The following EVC variants were observed in gnomAD, a reference collection of about 807,000 sequenced individuals.
EVC encodes EvC ciliary complex subunit 1.
EVC carries 116 observed loss-of-function variants against 118.9 expected under a neutral mutation model. The ratio of observed to expected loss-of-function variants is 0.98; its 90% CI spans 0.84 to 1.14. EVC has a LOEUF of 1.14. Ranked by LOEUF, EVC falls within the 50% of genes most tolerant of loss-of-function variation. The pLI is 0.00. For synonymous variants in EVC, 619 were observed against 534.7 expected (o/e 1.16, Z -2.18); for missense variants, 1,401 against 1,246.4 (o/e 1.12, Z -1.87).
At chr4:5,816,102 T>C (rs996004989), downstream of EVC, among the ~76,000 whole-genome samples, 38 of 152,170 alleles carry the variant, frequency 2.5e-4, no homozygotes, top group African/African-American at 8.0e-4. Context: ...TCCCAGAGAT[T>C]CTGAGTCAGC....
Position 5,733,331 on chromosome 4 carries a change from C to A in EVC, c.618-20C>A, listed in dbSNP as rs1213094481. 6.2e-7 allele frequency: 1 copy of A among 1,606,400 alleles called. No homozygotes were observed. On this transcript the variant is annotated intron_variant, in intron 4 of 20. Transcript: ENST00000264956. ...TCCGATACCCTGAAAGTCTTTTCCG[C>A]TTCTCATTTTATTTTGCAGTGTAGA...
rs1334005429 is a variant in EVC, at chr4:5,733,313, C to A, written c.618-38C>A. Reference sequence around the variant, plus strand: ...ATATTCTTACTCTTCATTTCCGATACCCTGAAAGTCTTTTCCGCTTCTCAT... The same window carrying A: ...ATATTCTTACTCTTCATTTCCGATAACCTGAAAGTCTTTTCCGCTTCTCAT... On this transcript the variant is annotated intron_variant, in intron 4 of 20. Coordinates refer to ENST00000264956, the MANE Select transcript of EVC (RefSeq NM_153717.3). 1.0e-5 allele frequency: 16 copies of A among 1,549,816 alleles called. No homozygotes were observed. The African/African-American group carries it at 1.4e-4, about 13-fold the overall frequency.
At chr4:5,797,001 C>T (rs1334301273) in intron 13 of EVC, 21 bp from the exon 14 acceptor site, 1 of 1,582,518 alleles carries the variant, frequency 6.3e-7, no homozygotes, top group South Asian at 1.1e-5. Flanking sequence ...TGACCCCACC[C>T]CTCACCTGCT....
chr4:5,724,797 C>T (rs778152460), intron 2 of EVC, among the ~76,000 whole-genome samples: 1 of 151,808 alleles, frequency 6.6e-6, no homozygotes, highest in African/African-American at 2.4e-5. Flanking sequence ...CATAGGTAAA[C>T]GTGTGCCATG....
intron 2 of EVC, among the ~76,000 whole-genome samples, chr4:5,725,093 A>G (rs1040580058): frequency 6.6e-6 from 1 of 152,130 alleles, no homozygotes; most frequent in Non-Finnish European, 1.5e-5. Context: ...TCCGTAGTGT[A>G]TATGTACCAC....
At position 5,711,451 on chromosome 4, in the gene EVC, C is replaced by A. The variant is rs966782465; in HGVS notation, c.71C>A (p.Ala24Glu). 54 of 1,029,646 alleles carry A rather than the reference C, an allele frequency of 5.2e-5. No individual in the cohort carries two copies. The African/African-American group carries it at 8.8e-4, about 17-fold the overall frequency. The allele number at this position is 1,029,646 out of a possible 1,614,324, so 63.8% of individuals were successfully genotyped here. ...LLLGRDALRP[A>E]PALLAPAVLL... is the part of the protein sequence containing the mutation. ...CTGGGGCGGGACGCGCTGCGGCCGG[C>A]GCCCGCCCTGCTGGCCCCCGCCGTG... The change falls in exon 1 of 21, where the codon GCG becomes GAG. Residue 24 changes from alanine (A) to glutamate (E), a missense_variant. Ala to Glu is a moderately radical substitution (Grantham distance 107, BLOSUM62 -1). Coordinates refer to ENST00000264956, the MANE Select transcript of EVC (RefSeq NM_153717.3).
chr4:5,725,085 C>T lies in EVC; in HGVS notation c.301-4222C>T, dbSNP rs551877738. On this transcript the variant is annotated intron_variant, in intron 2 of 20. Coordinates refer to ENST00000264956, the MANE Select transcript of EVC (RefSeq NM_153717.3). ...TCCTTTTTATGGCTGCATAGCATTC[C>T]GTAGTGTATATGTACCACATTTTCT... is the stretch of plus-strand genomic sequence containing the variant. Among the ~76,000 whole-genome samples, 44 of 152,250 alleles carry T rather than the reference C, an allele frequency of 2.9e-4. 2 individuals are homozygous for T. Among genetic ancestry groups the T allele is most frequent in the Admixed American group, 9.8e-4 (15 of 15,292 alleles).
At chr4:5,825,850 C>T in the EVC span, 1 of 595,336 alleles carries the variant, frequency 1.7e-6, no homozygotes, top group Non-Finnish European at 2.9e-6. This position sits in a 1 kb window ranked among gnomAD's most constrained non-coding sequence, Gnocchi z 4.4. Flanking sequence ...CATTCATACA[C>T]ACAAGCATGC....
Position 5,738,394 on chromosome 4 carries a change from A to C in EVC, c.703-3322A>C, listed in dbSNP as rs1392362561. On this transcript the variant is annotated intron_variant, in intron 5 of 20. Transcript: ENST00000264956. The surrounding 1 kb of genome is among the most constrained non-coding windows in gnomAD (Gnocchi z 6.5). ...TTTGAGAGGATTGACTCCAAGTTTT[A>C]AAGTTCTACTGTGGGCAAATTGCTA... is the stretch of plus-strand genomic sequence containing the variant. Among the ~76,000 whole-genome samples the C allele has an allele frequency of 6.6e-6, 1 of 152,200 alleles. No individual in the cohort carries two copies. Among genetic ancestry groups the C allele is most frequent in the Non-Finnish European group, 1.5e-5 (1 of 68,036 alleles).
chr4:5,752,779 A>T (rs1055569633), intron 8 of EVC, 57 bp from the exon 9 acceptor site: 1 of 1,565,144 alleles, frequency 6.4e-7, no homozygotes, highest in African/African-American at 1.3e-5. Flanking sequence ...GTTAATTAAC[A>T]TGCCCTGGTG....
chr4:5,748,267 C>G lies in EVC; in HGVS notation c.1059C>G (p.Ala353=). The G allele has an allele frequency of 1.2e-6, 2 of 1,614,070 alleles. No individual in the cohort carries two copies. Among genetic ancestry groups the G allele is most frequent in the Non-Finnish European group, 1.7e-6 (2 of 1,180,028 alleles). Residue 353 remains alanine (A), a synonymous_variant, in exon 8 of 21, where the codon GCC becomes GCG. Transcript: ENST00000264956. ...CTCTGACGGAAAGAATGATTGCAGC[C>G]GAAGGGCTATTGTGCGATTCTCAGG... ...MMTLTERMIA[A]EGLLCDSQEL...
intron 11 of EVC, among the ~76,000 whole-genome samples, chr4:5,760,848 G>A (rs899696094): frequency 7.9e-5 from 12 of 152,164 alleles, no homozygotes; most frequent in Admixed American, 2.0e-4. Flanking sequence ...CACCGCTCCC[G>A]GCCTGGCCCA....
intron 16 of EVC, among the ~76,000 whole-genome samples, chr4:5,803,995 C>T (rs889784958): frequency 2.7e-5 from 4 of 150,700 alleles, no homozygotes; most frequent in African/African-American, 4.9e-5. Flanking sequence ...GACTGGAGTG[C>T]AGTGGCATGA....
intron 16 of EVC, among the ~76,000 whole-genome samples, chr4:5,803,315 A>C (rs1024471597): frequency 2.0e-5 from 3 of 152,224 alleles, no homozygotes; most frequent in African/African-American, 7.2e-5. Context: ...AGCTGAGCCC[A>C]GAGGCCACCT....
At position 5,747,624 on chromosome 4, in the gene EVC, C is replaced by T. The variant is rs534862614; in HGVS notation, c.940-524C>T. ...TGCATTCTAAGCCACTTGGGAATTCCCAGCTCTGCTCCTGATAAAATGAGG... is the reference window on the plus strand; with the variant it reads ...TGCATTCTAAGCCACTTGGGAATTCTCAGCTCTGCTCCTGATAAAATGAGG... On this transcript the variant is annotated intron_variant, in intron 7 of 20. Coordinates refer to ENST00000264956, the MANE Select transcript of EVC (RefSeq NM_153717.3). 7.4e-4 allele frequency among the ~76,000 whole-genome samples: 112 copies of T among 152,282 alleles called. 1 individual carries two copies. Among genetic ancestry groups the T allele is most frequent in the Non-Finnish European group, 8.8e-5 (6 of 68,018 alleles).
intron 2 of EVC, 125 bp from the exon 3 acceptor site, chr4:5,729,170 ATGAATCTAAATG>A (rs1726375405): frequency 3.9e-6 from 3 of 777,104 alleles, no homozygotes; most frequent in Admixed American, 3.9e-5. Flanking sequence ...AAGAGCTAAT[ATGAATCTAAATG>A]TGCCTATCAT....
intron 3 of EVC, 117 bp downstream of exon 3, chr4:5,729,507 C>G (rs1726441280): frequency 2.9e-6 from 3 of 1,020,750 alleles, no homozygotes; most frequent in African/African-American, 1.6e-5. Flanking sequence ...GGTTTTATGG[C>G]AAGTCATTTT....
In EVC at chr4:5,798,628, G is replaced by A; in HGVS notation, c.2140G>A (p.Ala714Thr). The A allele has an allele frequency of 6.3e-7, 1 of 1,588,738 alleles. No homozygotes were observed. Residue 714 changes from alanine (A) to threonine (T), a missense_variant, in exon 15 of 21, where the codon GCA becomes ACA. By Grantham distance (58) the Ala-to-Thr change is moderately conservative. Coordinates refer to ENST00000264956, the MANE Select transcript of EVC (RefSeq NM_153717.3). This position sits in a 1 kb window ranked among gnomAD's most constrained non-coding sequence, Gnocchi z 4.1. ...LEEASRLEEE[A>T]QQTRLQLQQR... The stretch of plus-strand genomic sequence containing the variant: ...GGAGGCCAGCCGGCTAGAGGAGGAA[G>A]CACAGCAGACACGGCTGCAGCTCCA...
intron 2 of EVC, among the ~76,000 whole-genome samples, chr4:5,728,771 T>C (rs1726282623): frequency 6.6e-6 from 1 of 152,228 alleles, no homozygotes. Flanking sequence ...CCCCTGGCAA[T>C]GCTAAAATTA....
Sources: gnomAD v4.1 joint callset for allele counts (sites outside exome capture counted in the v4.1 genomes callset) on GRCh38, gnomAD v4.1.1 for gene constraint, Gnocchi (gnomAD v3.1) non-coding constraint, MANE v1.5 for transcripts, NCBI Gene and HGNC (gene_info 2026-07-23, HGNC 2026-07-21) for gene names.